ASIC2: variants seen among roughly 807,000 people sequenced by gnomAD.
ASIC2 encodes acid sensing ion channel subunit 2.
ASIC2 carries 25 observed loss-of-function variants against 57.3 expected under a neutral mutation model. The ratio of observed to expected loss-of-function variants is 0.44; its 90% confidence interval spans 0.32 to 0.61. ASIC2 has a LOEUF of 0.61. Among genes scored for constraint, ASIC2 ranks in the 20% least tolerant of loss-of-function variants. The pLI, the probability that ASIC2 is intolerant of heterozygous loss-of-function variation, is 0.06. For synonymous variants in ASIC2, 319 were observed against 307.5 expected (o/e 1.04, Z -0.39); for missense variants, 641 against 738.1 (o/e 0.87, Z 1.52).
At chr17:33,746,423 C>A (rs12326019) in intron 1 of ASIC2, among the ~76,000 whole-genome samples, 6,213 of 134,006 alleles carry the variant, frequency 0.046, 421 homozygotes, top group African/African-American at 0.14. Flanking sequence ...TCTGTAGATA[C>A]GTATATGAAT....
chr17:33,916,109 C>T (rs1341723496), intron 1 of ASIC2, among the ~76,000 whole-genome samples: 2 of 152,106 alleles, frequency 1.3e-5, no homozygotes, highest in African/African-American at 4.8e-5. Context: ...TTCCATATTC[C>T]AATTCTCCTC....
At chr17:33,233,514 TCA>T (rs36203893) in intron 1 of ASIC2, among the ~76,000 whole-genome samples, 1,919 of 147,000 alleles carry the variant, frequency 0.013, 20 homozygotes, top group East Asian at 0.047. Flanking sequence ...AATTGGAAAT[TCA>T]CACACACACA....
chr17:33,865,755 A>T (rs540373922), intron 1 of ASIC2, among the ~76,000 whole-genome samples: 52 of 91,320 alleles, frequency 5.7e-4, no homozygotes, highest in Admixed American at 3.1e-3. Flanking sequence ...TAATAAAAAA[A>T]AAATAAAAAA....
At chr17:33,971,017 G>A (rs1384340029) in intron 1 of ASIC2, among the ~76,000 whole-genome samples, 1 of 152,088 alleles carries the variant, frequency 6.6e-6, no homozygotes, top group East Asian at 1.9e-4. Flanking sequence ...GGCGTAACAG[G>A]GTTGCATTTC....
At chr17:33,906,257 G>A (rs1386946877) in intron 1 of ASIC2, among the ~76,000 whole-genome samples, 1 of 152,150 alleles carries the variant, frequency 6.6e-6, no homozygotes, top group South Asian at 2.1e-4. Context: ...CACCCTTCTT[G>A]CAAGCAGGCT....
intron 1 of ASIC2, among the ~76,000 whole-genome samples, chr17:34,113,404 T>C (rs1169229617): frequency 1.3e-5 from 2 of 151,272 alleles, no homozygotes; most frequent in South Asian, 4.2e-4. Flanking sequence ...CTACTAGAAA[T>C]CAAAAAGTTA....
intron 1 of ASIC2, among the ~76,000 whole-genome samples, chr17:33,164,915 C>G (rs1388299082): frequency 6.6e-6 from 1 of 152,174 alleles, no homozygotes; most frequent in African/African-American, 2.4e-5. Context: ...CTGGGCCCCA[C>G]TCTCTCTCTT....
chr17:33,196,596 C>T (rs1906638881), intron 1 of ASIC2, among the ~76,000 whole-genome samples: 1 of 152,138 alleles, frequency 6.6e-6, no homozygotes, highest in South Asian at 2.1e-4. Flanking sequence ...GGCCATGGAG[C>T]CTGGGTCACG....
At chr17:33,286,556 G>A (rs1053803047) in intron 1 of ASIC2, among the ~76,000 whole-genome samples, 7 of 152,146 alleles carry the variant, frequency 4.6e-5, no homozygotes, top group Admixed American at 2.0e-4. Flanking sequence ...AACTAGGCGC[G>A]GGGCCTAGAA....
At chr17:33,687,974 C>T (rs1248944929) in intron 1 of ASIC2, among the ~76,000 whole-genome samples, 3 of 152,154 alleles carry the variant, frequency 2.0e-5, no homozygotes, top group Non-Finnish European at 2.9e-5. Context: ...TGAGAAGGCC[C>T]AGAGGAGATT....
chr17:34,037,961 T>A, intron 1 of ASIC2: 1 of 1,613,708 alleles, frequency 6.2e-7, no homozygotes. Context: ...ATCAACTTTA[T>A]TTGAGATCTT....
chr17:33,096,538 C>A (rs1164691359), intron 2 of ASIC2, among the ~76,000 whole-genome samples: 1 of 152,228 alleles, frequency 6.6e-6, no homozygotes, highest in South Asian at 2.1e-4. Flanking sequence ...CCTCGGACAC[C>A]TGTGGAGACC....
At chr17:33,549,191 G>A (rs1915672250) in intron 1 of ASIC2, among the ~76,000 whole-genome samples, 1 of 152,202 alleles carries the variant, frequency 6.6e-6, no homozygotes, top group Admixed American at 6.5e-5. Flanking sequence ...AAAAATGGCA[G>A]TGGAGCAAGA....
At chr17:33,616,512 C>T (rs34356931) in intron 1 of ASIC2, among the ~76,000 whole-genome samples, 8,225 of 152,222 alleles carry the variant, frequency 0.054, 673 homozygotes, top group African/African-American at 0.17. Flanking sequence ...TCACTTAAAC[C>T]CTCTGTGCCT....
chr17:34,105,806 T>G (rs1344088639), intron 1 of ASIC2, among the ~76,000 whole-genome samples: 1 of 152,072 alleles, frequency 6.6e-6, no homozygotes, highest in Non-Finnish European at 1.5e-5. Context: ...GAAGGTGATT[T>G]ATATATATTG....
intron 1 of ASIC2, among the ~76,000 whole-genome samples, chr17:33,136,839 A>G (rs529456050): frequency 5.9e-5 from 9 of 152,336 alleles, no homozygotes; most frequent in Admixed American, 3.3e-4. Context: ...TTCTATTCCC[A>G]GTCCTGCTGC....
At chr17:33,105,783 G>A (rs533973446) in intron 2 of ASIC2, among the ~76,000 whole-genome samples, 15 of 152,222 alleles carry the variant, frequency 9.9e-5, no homozygotes, top group Non-Finnish European at 2.9e-5. Flanking sequence ...CCAGGCTGAG[G>A]TGGTCTCAGA....
intron 1 of ASIC2, among the ~76,000 whole-genome samples, chr17:34,031,697 G>A (rs148478807): frequency 0.014 from 2,073 of 152,316 alleles, 50 homozygotes; most frequent in East Asian, 0.062. Context: ...ACCAAGGCAC[G>A]AGAGCTACGT....
At chr17:33,811,501 T>C (rs1319136784) in intron 1 of ASIC2, among the ~76,000 whole-genome samples, 1 of 152,224 alleles carries the variant, frequency 6.6e-6, no homozygotes, top group Non-Finnish European at 1.5e-5. Flanking sequence ...TAAGCCCCTA[T>C]TAGTCACCAG....
Sources: gnomAD v4.1 joint callset for allele counts (sites outside exome capture counted in the v4.1 genomes callset) on GRCh38, gnomAD v4.1.1 for gene constraint, MANE v1.5 for transcripts, NCBI Gene and HGNC (gene_info 2026-07-23, HGNC 2026-07-21) for gene names.